Variants in GAB2 observed in about 807,000 individuals in gnomAD.
GAB2 encodes GRB2 associated binding protein 2, also known as GRB2-associated-binding protein 2.
In GAB2, 26 loss-of-function variants were observed where a neutral mutation model predicts 65.5. That is an observed-to-expected ratio of 0.40 (90% CI 0.29 to 0.55). The LOEUF (loss-of-function observed/expected upper bound fraction) is 0.55. Ranked by LOEUF, GAB2 falls within the 20% of genes least tolerant of loss-of-function variation. GAB2 has a pLI of 0.53. For missense variants in GAB2, 884 were observed against 875.8 expected, an observed-to-expected ratio of 1.01 and a Z score of -0.12; for synonymous variants, 321 against 329.6, an observed-to-expected ratio of 0.97 and a Z score of 0.28.
At chr11:78,278,599 G>C (rs751726304) in intron 2 of GAB2, among the ~76,000 whole-genome samples, 4 of 151,402 alleles carry the variant, frequency 2.6e-5, no homozygotes, top group East Asian at 2.0e-4. Context: ...GGATGGTCTC[G>C]AACTCCAGGC....
chr11:78,376,909 T>C (rs577123661), intron 1 of GAB2, among the ~76,000 whole-genome samples: 2 of 152,236 alleles, frequency 1.3e-5, no homozygotes, highest in Non-Finnish European at 2.9e-5. Context: ...GTTTAGATCA[T>C]GGGAGTGGAT....
At chr11:78,364,331 C>G (rs1473473975) in intron 1 of GAB2, among the ~76,000 whole-genome samples, 1 of 152,202 alleles carries the variant, frequency 6.6e-6, no homozygotes, top group African/African-American at 2.4e-5. Context: ...ACACTCCTTC[C>G]CCTTAGAACC....
intron 1 of GAB2, among the ~76,000 whole-genome samples, chr11:78,344,841 T>G (rs907848882): frequency 3.4e-5 from 5 of 147,188 alleles, no homozygotes; most frequent in African/African-American, 1.1e-4. Context: ...CAATATCCTG[T>G]TTTTTTTGAA....
intron 1 of GAB2, among the ~76,000 whole-genome samples, chr11:78,331,414 T>G (rs1265192333): frequency 6.6e-6 from 1 of 151,548 alleles, no homozygotes; most frequent in African/African-American, 2.4e-5. Flanking sequence ...CCCAGCTAAT[T>G]TTTTGTATTT....
intron 1 of GAB2, among the ~76,000 whole-genome samples, chr11:78,283,315 T>G (rs1866380163): frequency 6.6e-6 from 1 of 152,162 alleles, no homozygotes; most frequent in African/African-American, 2.4e-5. Flanking sequence ...AGGCCAACCT[T>G]TTTCCATTTG....
At chr11:78,221,874 C>T (rs755121946) in intron 7 of GAB2, 95 bp from the exon 8 acceptor site, 186 of 802,430 alleles carry the variant, frequency 2.3e-4, no homozygotes, top group Non-Finnish European at 3.7e-4. Context: ...CACACCCAGA[C>T]CTCAGCCATT....
At chr11:78,376,121 G>A (rs1565177719) in intron 1 of GAB2, among the ~76,000 whole-genome samples, 1 of 152,178 alleles carries the variant, frequency 6.6e-6, no homozygotes. Context: ...AGATAGGCAG[G>A]GAGACTGTTT....
chr11:78,341,195 G>A (rs1223277577), intron 1 of GAB2, among the ~76,000 whole-genome samples: 5 of 152,144 alleles, frequency 3.3e-5, no homozygotes. Context: ...GGAAGCACAT[G>A]CTTTTATTGG....
intron 1 of GAB2, among the ~76,000 whole-genome samples, chr11:78,387,868 T>C (rs1047618118): frequency 3.9e-5 from 6 of 152,196 alleles, no homozygotes; most frequent in Non-Finnish European, 8.8e-5. Context: ...GGTTCTTTTA[T>C]TTTCTAATGG....
intron 7 of GAB2, 131 bp downstream of exon 7, chr11:78,221,974 C>A (rs2629608): frequency 1.4e-6 from 1 of 722,668 alleles, no homozygotes; most frequent in Non-Finnish European, 2.5e-6. Context: ...CACAAGACAT[C>A]GAGACATGAT....
At chr11:78,231,473 C>T (rs1202663239) in intron 3 of GAB2, among the ~76,000 whole-genome samples, 2 of 152,112 alleles carry the variant, frequency 1.3e-5, no homozygotes, top group African/African-American at 4.8e-5. Context: ...CCTCAGCACC[C>T]TGAGTAGCTG....
intron 2 of GAB2, among the ~76,000 whole-genome samples, chr11:78,259,063 CCT>C (rs1277046450): frequency 6.6e-6 from 1 of 151,970 alleles, no homozygotes; most frequent in Admixed American, 6.6e-5. Flanking sequence ...CCTGTTGTTC[CCT>C]GATTTGTGTC....
chr11:78,249,090 G>T (rs924044070), intron 3 of GAB2, among the ~76,000 whole-genome samples: 2 of 152,154 alleles, frequency 1.3e-5, no homozygotes, highest in Non-Finnish European at 2.9e-5. Flanking sequence ...AGATGACTCA[G>T]AAAAACAAAA....
At chr11:78,413,825 C>A (rs949131383) in intron 1 of GAB2, among the ~76,000 whole-genome samples, 15 of 152,004 alleles carry the variant, frequency 9.9e-5, no homozygotes, top group Non-Finnish European at 1.5e-5. Context: ...TGGCTCATGT[C>A]TGTCTGTAAT....
intron 1 of GAB2, among the ~76,000 whole-genome samples, chr11:78,379,227 T>C (rs1856668376): frequency 1.3e-5 from 2 of 152,216 alleles, no homozygotes. Context: ...CTTCAGCTAT[T>C]CTCCACAGAG....
At chr11:78,295,714 G>A (rs1326356646) in intron 1 of GAB2, among the ~76,000 whole-genome samples, 1 of 152,128 alleles carries the variant, frequency 6.6e-6, no homozygotes, top group African/African-American at 2.4e-5. Context: ...TGCTTGCCTC[G>A]AGGAGTCACA....
At position 78,372,273 on chromosome 11, in the gene GAB2, G is replaced by A. The variant is rs74870726; in HGVS notation, c.75+45373C>T. Among the ~76,000 whole-genome samples the A allele has an allele frequency of 5.2e-3, 795 of 152,246 alleles. 4 individuals carry two copies. Among genetic ancestry groups the A allele is most frequent in the African/African-American group, 0.018 (745 of 41,546 alleles). ...CTGACTCTGCTTTAAGCCTGCCAAG[G>A]ATACCCACTAGAAATGCTGAGAGAT... is the stretch of plus-strand genomic sequence containing the variant. On this transcript the variant is annotated intron_variant, in intron 1 of 9. Transcript: ENST00000361507.
At chr11:78,267,250 C>T (rs1865895554) in intron 2 of GAB2, among the ~76,000 whole-genome samples, 1 of 152,198 alleles carries the variant, frequency 6.6e-6, no homozygotes, top group African/African-American at 2.4e-5. Flanking sequence ...AAAGATCCTA[C>T]AGCACTGGCT....
intron 1 of GAB2, among the ~76,000 whole-genome samples, chr11:78,298,921 C>T (rs1194953766): frequency 6.6e-6 from 1 of 152,184 alleles, no homozygotes; most frequent in East Asian, 1.9e-4. Context: ...TACTTCTTTG[C>T]TTTAAATTAG....
Sources: gnomAD v4.1 joint callset for allele counts (sites outside exome capture counted in the v4.1 genomes callset) on GRCh38, gnomAD v4.1.1 for gene constraint, MANE v1.5 for transcripts, NCBI Gene and HGNC (gene_info 2026-07-23, HGNC 2026-07-21) for gene names.